Variants in ELK4 observed in about 807,000 individuals in gnomAD.
ELK4 encodes ETS transcription factor ELK4.
Under a neutral mutation model 29.6 loss-of-function variants are expected in ELK4, and 16 were observed. The ratio of observed to expected loss-of-function variants is 0.54; its 90% CI spans 0.37 to 0.82. The LOEUF is 0.82. Among genes scored for constraint, ELK4 ranks in the 40% least tolerant of loss-of-function variants. ELK4 has a pLI of 0.00. For synonymous variants in ELK4, 213 were observed against 191.1 expected (o/e 1.11, Z -0.95); for missense variants, 465 against 507.1 (o/e 0.92, Z 0.80).
chr1:205,628,182 T>C (rs1292330692), intron 1 of ELK4, among the ~76,000 whole-genome samples: 9 of 152,128 alleles, frequency 5.9e-5, no homozygotes, highest in African/African-American at 1.9e-4. Flanking sequence ...AAAATAGCGG[T>C]TTTATACTAC....
Position 205,613,999 on chromosome 1 carries a change from C to G in ELK4, c.*2547G>C, listed in dbSNP as rs1229480803. 3 of 224,264 alleles carry G rather than the reference C, an allele frequency of 1.3e-5. No individual in the cohort carries two copies. 13.9% of individuals were successfully genotyped at this position (224,264 alleles called of 1,614,324 possible). Reference sequence around the variant, plus strand: ...TTCCAGGAAGGAGGTAGTCTATAAACAGAACTGTCTGCCTCATACACCTGC... The same window carrying G: ...TTCCAGGAAGGAGGTAGTCTATAAAGAGAACTGTCTGCCTCATACACCTGC... On this transcript the variant is annotated 3_prime_UTR_variant, in exon 5 of 5. Transcript: ENST00000357992.
chr1:205,615,714 G>A lies in ELK4; in HGVS notation c.*832C>T, dbSNP rs1468723935. On this transcript the variant is annotated 3_prime_UTR_variant, in exon 5 of 5. Coordinates refer to ENST00000357992, the MANE Select transcript of ELK4 (RefSeq NM_001973.4). ...CCTCCTAAAAGTGATCATTTCCCATGCTGTATTCCATGGGCATATAATCAT... is the reference window on the plus strand; with the variant it reads ...CCTCCTAAAAGTGATCATTTCCCATACTGTATTCCATGGGCATATAATCAT... The A allele has an allele frequency of 4.8e-6, 1 of 209,006 alleles. No individual in the cohort carries two copies. Among genetic ancestry groups the A allele is most frequent in the African/African-American group, 2.3e-5 (1 of 43,970 alleles). 12.9% of individuals were successfully genotyped at this position (209,006 alleles called of 1,614,324 possible). A position where few individuals can be genotyped will look rare whatever the true frequency, so the allele number is the denominator to read the frequency against.
rs1014487802 is a variant in ELK4, at chr1:205,609,471, C to G, written c.*7075G>C. 5.2e-6 allele frequency: 1 copy of G among 192,524 alleles called. No homozygotes were observed. Among genetic ancestry groups the G allele is most frequent in the Non-Finnish European group, 1.1e-5 (1 of 92,160 alleles). 11.9% of individuals were successfully genotyped at this position (192,524 alleles called of 1,614,324 possible). On this transcript the variant is annotated 3_prime_UTR_variant, in exon 5 of 5. Coordinates refer to ENST00000357992, the MANE Select transcript of ELK4 (RefSeq NM_001973.4). ...AGGGCCAAAACAAATAAATAGGCCT[C>G]AAGGAATAAAAAATTAATTGTATTC...
At position 205,612,383 on chromosome 1, in the gene ELK4, TGCTA is replaced by T. The variant is rs1406835167; in HGVS notation, c.*4159_*4162del. ...GGGTGTGGGAAGAAAATACTATAAC[TGCTA>T]CTCAAGAATTACTTTTTATGCCATC... On this transcript the variant is annotated 3_prime_UTR_variant, in exon 5 of 5. Transcript: ENST00000357992. 9.2e-6 allele frequency: 2 copies of T among 217,920 alleles called. No individual in the cohort carries two copies. The highest frequency in any genetic ancestry group is 4.5e-5 in the African/African-American group (2 of 44,472). 13.5% of individuals were successfully genotyped at this position (217,920 alleles called of 1,614,324 possible). A position where few individuals can be genotyped will look rare whatever the true frequency, so the allele number is the denominator to read the frequency against.
rs185116728 is a variant in ELK4, at chr1:205,619,003, G to A, written c.1151C>T (p.Ala384Val). Residue 384 changes from alanine (A) to valine (V), a missense_variant, in exon 4 of 5, where the codon GCT becomes GTT. Around this residue, in one of 2 missense-constraint regions of ELK4, gnomAD observed 80 missense variants for 119.6 expected, o/e 0.67. Transcript: ENST00000357992. ...IHFWSTLSPVAPLSPARLQGA... is the reference protein window; with the variant it reads ...IHFWSTLSPVVPLSPARLQGA... ...TTGCAGTCTGGCTGGACTTAGGGGAGCAACAGGACTGAGAGTACTCCAGAA... is the reference window on the plus strand; with the variant it reads ...TTGCAGTCTGGCTGGACTTAGGGGAACAACAGGACTGAGAGTACTCCAGAA... 5 of 1,611,976 alleles carry A rather than the reference G, an allele frequency of 3.1e-6. No individual in the cohort carries two copies. The African/African-American group carries it at 6.7e-5, about 22-fold the overall frequency.
At chr1:205,622,225 C>CA (rs913501110) in intron 2 of ELK4, among the ~76,000 whole-genome samples, 2 of 151,102 alleles carry the variant, frequency 1.3e-5, no homozygotes, top group African/African-American at 4.9e-5. Flanking sequence ...AACAAACAAA[C>CA]AAAAAAAAGT....
chr1:205,620,219 G>T lies in ELK4; in HGVS notation c.827C>A (p.Pro276Gln). ...TGAATCAATGTCTGTGTCGATGTCTGGGTGAGAACTCAGTGGTGGTGAAGG... is the reference window on the plus strand; with the variant it reads ...TGAATCAATGTCTGTGTCGATGTCTTGGTGAGAACTCAGTGGTGGTGAAGG... ...RTPSPPLSSH[P>Q]DIDTDIDSVA... Residue 276 changes from proline to glutamine, a missense_variant, in exon 3 of 5, where the codon CCA (proline) becomes CAA (glutamine). Physicochemically the swap from Pro to Gln is moderately conservative, Grantham distance 76 (BLOSUM62 -1). Around this residue, in one of 2 missense-constraint regions of ELK4, gnomAD observed 385 missense variants for 387.5 expected, o/e 0.99. Coordinates refer to ENST00000357992, the MANE Select transcript of ELK4 (RefSeq NM_001973.4). 6.2e-7 allele frequency: 1 copy of T among 1,614,244 alleles called. No individual in the cohort carries two copies. Among genetic ancestry groups the T allele is most frequent in the Non-Finnish European group, 8.5e-7 (1 of 1,180,044 alleles).
At position 205,615,034 on chromosome 1, in the gene ELK4, T is replaced by A. The variant is rs1394518321; in HGVS notation, c.*1512A>T. ...ATGTAGAGAATAAGGCCTACATTTT[T>A]TACTACTAATATGAACAATCCAATC... On this transcript the variant is annotated 3_prime_UTR_variant, in exon 5 of 5. Coordinates refer to ENST00000357992, the MANE Select transcript of ELK4 (RefSeq NM_001973.4). 2 of 199,334 alleles carry A rather than the reference T, an allele frequency of 1.0e-5. 1 individual carries two copies. Among genetic ancestry groups the A allele is most frequent in the Admixed American group, 1.2e-4 (2 of 16,550 alleles). 12.3% of individuals were successfully genotyped at this position (199,334 alleles called of 1,614,324 possible). A position where few individuals can be genotyped will look rare whatever the true frequency, so the allele number is the denominator to read the frequency against.
At position 205,609,643 on chromosome 1, in the gene ELK4, T is replaced by G. The variant is rs926956020; in HGVS notation, c.*6903A>C. 4.9e-6 allele frequency: 1 copy of G among 205,396 alleles called. No individual in the cohort carries two copies. The highest frequency in any genetic ancestry group is 1.0e-5 in the Non-Finnish European group (1 of 100,420). 12.7% of individuals were successfully genotyped at this position (205,396 alleles called of 1,614,324 possible). On this transcript the variant is annotated 3_prime_UTR_variant, in exon 5 of 5. Transcript: ENST00000357992. ...GGCCACTGGTTAATACTGCCCCAAG[T>G]AACAAAACAATGAAATGTCAGGATT...
chr1:205,623,264 A>G (rs971565516), intron 2 of ELK4, among the ~76,000 whole-genome samples: 4 of 152,096 alleles, frequency 2.6e-5, no homozygotes, highest in African/African-American at 4.8e-5. Context: ...ACTGGATTAA[A>G]ATAAACTAGG....
rs1670146091 is a variant in ELK4, at chr1:205,611,196, T to C, written c.*5350A>G. 1 of 210,672 alleles carries C rather than the reference T, an allele frequency of 4.7e-6. No homozygotes were observed. Among genetic ancestry groups the C allele is most frequent in the South Asian group, 1.9e-4 (1 of 5,342 alleles). 13.1% of individuals were successfully genotyped at this position (210,672 alleles called of 1,614,324 possible). On this transcript the variant is annotated 3_prime_UTR_variant, in exon 5 of 5. Coordinates refer to ENST00000357992, the MANE Select transcript of ELK4 (RefSeq NM_001973.4). Reference sequence around the variant, plus strand: ...AGGCTATCAATCTATCATAATTTTTTTCAGAGAAGTGACTTGAAGAAACTG... The same window carrying C: ...AGGCTATCAATCTATCATAATTTTTCTCAGAGAAGTGACTTGAAGAAACTG...
chr1:205,613,905 C>G lies in ELK4; in HGVS notation c.*2641G>C, dbSNP rs758162163. 1 of 219,060 alleles carries G rather than the reference C, an allele frequency of 4.6e-6. No individual in the cohort carries two copies. The highest frequency in any genetic ancestry group is 9.2e-6 in the Non-Finnish European group (1 of 108,932). The allele number at this position is 219,060 out of a possible 1,614,324, so 13.6% of individuals were successfully genotyped here. On this transcript the variant is annotated 3_prime_UTR_variant, in exon 5 of 5. Transcript: ENST00000357992. Reference sequence around the variant, plus strand: ...ACAAGTCTCTCCAGTGAAAACTGATCTGAAGTGGTACATCACCTTTCACAC... The same window carrying G: ...ACAAGTCTCTCCAGTGAAAACTGATGTGAAGTGGTACATCACCTTTCACAC...
Position 205,611,883 on chromosome 1 carries a change from A to G in ELK4, c.*4663T>C, listed in dbSNP as rs1049875094. ...AGGTTAAAAACAGAACAGACCTATA[A>G]AGAAAAGTATTCCTTTAGTTGCTGA... On this transcript the variant is annotated 3_prime_UTR_variant, in exon 5 of 5. Coordinates refer to ENST00000357992, the MANE Select transcript of ELK4 (RefSeq NM_001973.4). 4.8e-5 allele frequency: 9 copies of G among 188,752 alleles called. No individual in the cohort carries two copies. Among genetic ancestry groups the G allele is most frequent in the African/African-American group, 2.1e-4 (9 of 42,882 alleles). The allele number at this position is 188,752 out of a possible 1,614,324, so 11.7% of individuals were successfully genotyped here.
intron 1 of ELK4, among the ~76,000 whole-genome samples, chr1:205,626,873 A>AT (rs1193965177): frequency 6.6e-6 from 1 of 152,232 alleles, no homozygotes; most frequent in African/African-American, 2.4e-5. Context: ...AGAATTATTC[A>AT]TAACATCTAA....
intron 1 of ELK4, among the ~76,000 whole-genome samples, chr1:205,630,652 T>A (rs566897927): frequency 6.6e-6 from 1 of 152,354 alleles, no homozygotes; most frequent in East Asian, 1.9e-4. Context: ...CTTACAATAT[T>A]CTTACAATAA....
chr1:205,621,217 A>G (rs1670341333), intron 2 of ELK4, among the ~76,000 whole-genome samples: 1 of 150,456 alleles, frequency 6.6e-6, no homozygotes, highest in African/African-American at 2.4e-5. Flanking sequence ...AAAAAAAAAA[A>G]AAGAAAAAGC....
At chr1:205,618,295 C>G (rs946598282) in intron 4 of ELK4, among the ~76,000 whole-genome samples, 5 of 151,870 alleles carry the variant, frequency 3.3e-5, no homozygotes, top group African/African-American at 1.2e-4. Flanking sequence ...CCTACCAAAG[C>G]GCTGGGATTA....
At chr1:205,623,916 T>C (rs370412042) in intron 1 of ELK4, 25 bp from the exon 2 acceptor site, 2 of 1,605,262 alleles carry the variant, frequency 1.2e-6, no homozygotes, top group African/African-American at 2.7e-5. Context: ...ATAAGATATG[T>C]GATAATATTA....
chr1:205,629,934 C>T (rs961251668), intron 1 of ELK4, among the ~76,000 whole-genome samples: 1 of 151,374 alleles, frequency 6.6e-6, no homozygotes, highest in Admixed American at 6.6e-5. Flanking sequence ...CGTGACTACT[C>T]GGGAGGCTGA....
Sources: allele counts gnomAD v4.1 joint callset (sites outside exome capture counted in the v4.1 genomes callset), GRCh38; gene constraint gnomAD v4.1.1; regional missense constraint gnomAD v4.1.1; transcripts MANE v1.5; gene names NCBI Gene and HGNC (gene_info 2026-07-23, HGNC 2026-07-21).